Variants in EPB41L4B observed in about 807,000 individuals in gnomAD.
EPB41L4B encodes the protein band 4.1-like protein 4B.
Under a neutral mutation model 112.5 loss-of-function variants are expected in EPB41L4B, and 30 were observed. The observed-to-expected ratio is 0.27, with a 90% confidence interval of 0.20 to 0.36. The LOEUF (loss-of-function observed/expected upper bound fraction) is 0.36. EPB41L4B is among the 10% of genes least tolerant of loss of function. The pLI is 1.00. For synonymous variants in EPB41L4B, 408 were observed against 439.7 expected, an observed-to-expected ratio of 0.93 and a Z score of 0.90; for missense variants, 1,024 against 1,133.3, an observed-to-expected ratio of 0.90 and a Z score of 1.38.
chr9:109,255,898 A>T, intron 9 of EPB41L4B, 55 bp from the exon 10 acceptor site: 2 of 1,470,104 alleles, frequency 1.4e-6, no homozygotes, highest in Non-Finnish European at 1.9e-6. Context: ...CTATCTACAC[A>T]TCAAATAGCA....
At chr9:109,232,759 CTGGG>C (rs1250127020) in intron 15 of EPB41L4B, among the ~76,000 whole-genome samples, 1 of 152,172 alleles carries the variant, frequency 6.6e-6, no homozygotes, top group African/African-American at 2.4e-5. Context: ...GAGCTGAACA[CTGGG>C]TACGTGTTTC....
rs1243151417 is a variant in EPB41L4B, at chr9:109,320,311, AGGC to A, written c.133_135del (p.Ala45del). On this transcript the variant is annotated inframe_deletion, in exon 1 of 26. Coordinates refer to ENST00000374566, the MANE Select transcript of EPB41L4B (RefSeq NM_019114.5). ...GGCGCGGCGGGCAGCGCCGAGGAGG[AGGC>A]GGCGGCGGCCGGGCCCCCCCGTGGC... 9.9e-7 allele frequency: 1 copy of A among 1,013,114 alleles called. No individual in the cohort carries two copies. 62.8% of individuals were successfully genotyped at this position (1,013,114 alleles called of 1,614,324 possible).
Position 109,232,606 on chromosome 9 carries a change from G to A in EPB41L4B, c.1409+11012C>T, listed in dbSNP as rs144500490. 6.5e-3 allele frequency among the ~76,000 whole-genome samples: 986 copies of A among 152,246 alleles called. 13 individuals carry two copies. Among genetic ancestry groups the A allele is most frequent in the African/African-American group, 0.022 (912 of 41,542 alleles). ...AGTGTTATTTTTCCACTCCCCAGAC[G>A]CCATCCGGCTCACTGAATGAATGAA... is the stretch of plus-strand genomic sequence containing the variant. On this transcript the variant is annotated intron_variant, in intron 15 of 25. Coordinates refer to ENST00000374566, the MANE Select transcript of EPB41L4B (RefSeq NM_019114.5).
At chr9:109,266,540 G>T (rs1835406796) in intron 4 of EPB41L4B, among the ~76,000 whole-genome samples, 1 of 152,178 alleles carries the variant, frequency 6.6e-6, no homozygotes, top group African/African-American at 2.4e-5. Flanking sequence ...TCAAAAGCAG[G>T]AAAAGGCTTT....
Position 109,192,289 on chromosome 9 carries a change from C to T in EPB41L4B, c.2290G>A (p.Ala764Thr). The T allele has an allele frequency of 6.2e-7, 1 of 1,610,062 alleles. No homozygotes were observed. The highest frequency in any genetic ancestry group is 8.5e-7 in the Non-Finnish European group (1 of 1,178,160). ...PGDLLMDFTE[A>T]TPLAEPASNP... ...AATAGGAAGTTTACCAGAGGAGTGG[C>T]TTCTGTGAAATCCATCAGAAGATCA... Residue 764 changes from alanine (A) to threonine (T), a missense_variant, in exon 22 of 26, where the codon GCC becomes ACC. Transcript: ENST00000374566.
intron 2 of EPB41L4B, among the ~76,000 whole-genome samples, chr9:109,274,477 T>C (rs1235565370): frequency 1.3e-5 from 2 of 152,212 alleles, no homozygotes; most frequent in African/African-American, 4.8e-5. Context: ...ACACTGGTTC[T>C]TTAGAGGACT....
At chr9:109,249,427 T>C (rs892493457) in intron 13 of EPB41L4B, among the ~76,000 whole-genome samples, 3 of 120,166 alleles carry the variant, frequency 2.5e-5, no homozygotes, top group Non-Finnish European at 3.4e-5. Flanking sequence ...TGAAGAGCAA[T>C]TGAACAGCTG....
chr9:109,240,006 T>C (rs1834298250), intron 15 of EPB41L4B: 13 of 985,284 alleles, frequency 1.3e-5, no homozygotes, highest in Non-Finnish European at 1.4e-5. Flanking sequence ...AAGAGCAGCC[T>C]CATTCTAGGA....
At chr9:109,286,617 T>C (rs1836292875) in intron 1 of EPB41L4B, among the ~76,000 whole-genome samples, 1 of 152,172 alleles carries the variant, frequency 6.6e-6, no homozygotes, top group South Asian at 2.1e-4. Flanking sequence ...TTAACAAATA[T>C]TTGCCAATTG....
Position 109,320,502 on chromosome 9 carries a change from T to G in EPB41L4B, c.-56A>C. 1.2e-6 allele frequency: 1 copy of G among 832,150 alleles called. No homozygotes were observed. The allele number at this position is 832,150 out of a possible 1,614,324, so 51.5% of individuals were successfully genotyped here. On this transcript the variant is annotated 5_prime_UTR_variant, in exon 1 of 26. Coordinates refer to ENST00000374566, the MANE Select transcript of EPB41L4B (RefSeq NM_019114.5). ...CCTGCGCTGCCGCTGCCGCTGCCGC[T>G]GCCGCTGCGCCGCCGCCCGGGAGCG...
intron 15 of EPB41L4B, among the ~76,000 whole-genome samples, chr9:109,222,503 T>C (rs1251497794): frequency 1.3e-5 from 2 of 152,212 alleles, no homozygotes; most frequent in African/African-American, 4.8e-5. Context: ...ATCTTCCCTC[T>C]TCATAGAGAC....
At chr9:109,197,833 A>AC (rs1027891011) in intron 20 of EPB41L4B, among the ~76,000 whole-genome samples, 1 of 151,348 alleles carries the variant, frequency 6.6e-6, no homozygotes, top group African/African-American at 2.4e-5. Flanking sequence ...AAAAAAAAAA[A>AC]ACAAAAAAAA....
chr9:109,278,740 A>G (rs2119129855), intron 2 of EPB41L4B, among the ~76,000 whole-genome samples: 1 of 152,206 alleles, frequency 6.6e-6, no homozygotes, highest in African/African-American at 2.4e-5. Flanking sequence ...TGACATATCT[A>G]TGTGCACTGC....
intron 5 of EPB41L4B, among the ~76,000 whole-genome samples, chr9:109,263,457 A>C (rs900440250): frequency 6.6e-6 from 1 of 152,230 alleles, no homozygotes; most frequent in Non-Finnish European, 1.5e-5. Context: ...GATATAGTAC[A>C]TGCATCTTTT....
intron 1 of EPB41L4B, chr9:109,307,130 C>A: frequency 2.8e-6 from 1 of 352,202 alleles, no homozygotes; most frequent in Non-Finnish European, 5.6e-6. Context: ...TGTGGAAGAG[C>A]TCATTCCCTG....
intron 15 of EPB41L4B, among the ~76,000 whole-genome samples, chr9:109,230,330 T>C (rs1833911334): frequency 6.6e-6 from 1 of 152,226 alleles, no homozygotes; most frequent in Non-Finnish European, 1.5e-5. Flanking sequence ...GCCATGTGTT[T>C]GGAAGGAGCA....
At chr9:109,239,958 A>C (rs530106521) in intron 15 of EPB41L4B, 51 of 985,314 alleles carry the variant, frequency 5.2e-5, no homozygotes, top group Non-Finnish European at 6.0e-5. Flanking sequence ...AGATGAAGAA[A>C]GGCATCAGCT....
In EPB41L4B at chr9:109,191,915, T is replaced by C. The variant is rs144881277; in HGVS notation, c.2301+363A>G. On this transcript the variant is annotated intron_variant, in intron 22 of 25. Coordinates refer to ENST00000374566, the MANE Select transcript of EPB41L4B (RefSeq NM_019114.5). ...CCTTGAGCCAGTGCTTCAGACCAGA[T>C]GGATCGTCGGAAGCAACAGCAAGAG... Among the ~76,000 whole-genome samples, 807 of 152,214 alleles carry C rather than the reference T, an allele frequency of 5.3e-3. 11 individuals are homozygous for C. Among genetic ancestry groups the C allele is most frequent in the South Asian group, 0.022 (106 of 4,816 alleles).
intron 1 of EPB41L4B, among the ~76,000 whole-genome samples, chr9:109,306,486 C>T (rs182661011): frequency 3.3e-5 from 5 of 152,248 alleles, no homozygotes; most frequent in South Asian, 4.1e-4. Flanking sequence ...TGGTGGTAGG[C>T]GCCTGTAATC....
Sources: gnomAD v4.1 joint callset for allele counts (sites outside exome capture counted in the v4.1 genomes callset) on GRCh38, gnomAD v4.1.1 for gene constraint, MANE v1.5 for transcripts, NCBI Gene and HGNC (gene_info 2026-07-23, HGNC 2026-07-21) for gene names.